Variants in SLFN12 observed in about 807,000 individuals in gnomAD.
SLFN12 encodes ribonuclease SLFN12.
SLFN12 carries 25 observed loss-of-function variants against 29.1 expected under a neutral mutation model. The observed-to-expected ratio is 0.86, with a 90% CI of 0.63 to 1.20. The LOEUF (loss-of-function observed/expected upper bound fraction) is 1.20, where lower values mean the gene tolerates loss of function less well. SLFN12 is among the 50% of genes most tolerant of loss of function. The pLI, the probability that SLFN12 is intolerant of heterozygous loss-of-function variation, is 0.00. For synonymous variants in SLFN12, 257 were observed against 238.7 expected, an observed-to-expected ratio of 1.08 and a Z score of -0.71; for missense variants, 660 against 666.2, an observed-to-expected ratio of 0.99 and a Z score of 0.10.
chr17:35,423,799 G>A (rs1266641924), intron 1 of SLFN12, among the ~76,000 whole-genome samples: 1 of 152,106 alleles, frequency 6.6e-6, no homozygotes, highest in Non-Finnish European at 1.5e-5. Flanking sequence ...GGTTATGAGG[G>A]TGAAGCCCTC....
intron 3 of SLFN12, among the ~76,000 whole-genome samples, chr17:35,413,616 G>T (rs1911157311): frequency 6.6e-6 from 1 of 151,856 alleles, no homozygotes; most frequent in African/African-American, 2.4e-5. Context: ...AGAAATGGTG[G>T]CAGGCACCTG....
chr17:35,414,304 C>T (rs1911199011), intron 3 of SLFN12, among the ~76,000 whole-genome samples: 1 of 151,976 alleles, frequency 6.6e-6, no homozygotes. Context: ...AAATCAGTAG[C>T]ATTTCCATAC....
chr17:35,429,295 C>T (rs1912182051), intron 1 of SLFN12, among the ~76,000 whole-genome samples: 1 of 151,958 alleles, frequency 6.6e-6, no homozygotes, highest in African/African-American at 2.4e-5. Flanking sequence ...GAGGACCCAG[C>T]GCTTGTGAAC....
chr17:35,423,565 T>C (rs1464113174), intron 1 of SLFN12, among the ~76,000 whole-genome samples: 3 of 152,184 alleles, frequency 2.0e-5, no homozygotes, highest in Non-Finnish European at 4.4e-5. Context: ...TAATTATTTT[T>C]CCTTCTTATA....
chr17:35,421,451 G>A (rs1289345680), intron 2 of SLFN12, among the ~76,000 whole-genome samples: 2 of 151,406 alleles, frequency 1.3e-5, no homozygotes, highest in African/African-American at 4.8e-5. Flanking sequence ...CACCAGGTAG[G>A]GCTACTAAAA....
At chr17:35,415,454 G>T (rs895738430) in intron 3 of SLFN12, among the ~76,000 whole-genome samples, 1 of 151,964 alleles carries the variant, frequency 6.6e-6, no homozygotes, top group African/African-American at 2.4e-5. Flanking sequence ...GTTGGCTTAG[G>T]CAAAGAGTTC....
chr17:35,420,244 A>G (rs1338046150), intron 3 of SLFN12, 30 bp downstream of exon 3: 2 of 1,525,084 alleles, frequency 1.3e-6, no homozygotes, highest in Non-Finnish European at 1.8e-6. Context: ...AGTCACACTA[A>G]CAAATCCGAA....
intron 1 of SLFN12, among the ~76,000 whole-genome samples, chr17:35,428,806 T>C (rs1246837043): frequency 1.3e-5 from 2 of 152,144 alleles, no homozygotes; most frequent in African/African-American, 2.4e-5. Context: ...GGAAGATGTA[T>C]ATCTCTGCCA....
chr17:35,419,476 G>A (rs1911502508), intron 3 of SLFN12, among the ~76,000 whole-genome samples: 2 of 152,166 alleles, frequency 1.3e-5, no homozygotes, highest in African/African-American at 2.4e-5. Context: ...AATAGACACT[G>A]CACAGAAGAT....
chr17:35,422,527 A>ACG lies in SLFN12; in HGVS notation c.501_502insCG (p.Cys168ArgfsTer11). The ACG allele has an allele frequency of 6.2e-7, 1 of 1,613,920 alleles. No individual in the cohort carries two copies. Among genetic ancestry groups the ACG allele is most frequent in the Non-Finnish European group, 8.5e-7 (1 of 1,179,990 alleles). ...TTATTTTCTTCTTGTATATCAACAC[A>ACG]GGGCCTCTTTGCCAGCAATTCTGGT... On this transcript the variant is annotated frameshift_variant, in exon 2 of 4. Transcript: ENST00000304905. LOFTEE classifies it high-confidence loss of function.
At chr17:35,419,937 G>A (rs955090215) in intron 3 of SLFN12, among the ~76,000 whole-genome samples, 2 of 152,074 alleles carry the variant, frequency 1.3e-5, no homozygotes, top group African/African-American at 2.4e-5. Context: ...TACTGATGGC[G>A]TTTCTTCAGT....
chr17:35,422,768 C>CA lies in SLFN12; in HGVS notation c.260dup (p.Leu88ValfsTer5). ...AGTCTAAGTACTCAGGAACAAATAA[C>CA]AGAATGTTACTAAAAGAATTTTCCA... On this transcript the variant is annotated frameshift_variant, in exon 2 of 4. Transcript: ENST00000304905. LOFTEE classifies it high-confidence loss of function. 6.2e-7 allele frequency: 1 copy of CA among 1,613,870 alleles called. No individual in the cohort carries two copies. The highest frequency in any genetic ancestry group is 8.5e-7 in the Non-Finnish European group (1 of 1,179,884).
intron 1 of SLFN12, among the ~76,000 whole-genome samples, chr17:35,429,376 TGCCTTCAA>T (rs1431056264): frequency 1.3e-5 from 2 of 152,068 alleles, no homozygotes; most frequent in Non-Finnish European, 2.9e-5. Context: ...TGAAAATCAC[TGCCTTCAA>T]GCATACATCT....
rs1911004641 is a variant in SLFN12, at chr17:35,411,536, C to A, written c.1539G>T (p.Arg513Ser). 1 of 1,613,942 alleles carries A rather than the reference C, an allele frequency of 6.2e-7. No individual in the cohort carries two copies. Among genetic ancestry groups the A allele is most frequent in the Non-Finnish European group, 8.5e-7 (1 of 1,180,014 alleles). The stretch of plus-strand genomic sequence containing the variant: ...AGGATTCAGGGTAAATTACTTGCGA[C>A]CTTAAATCATACTGGCAGCTTGTCA... ...EGMTSCQYDL[R>S]SQVIYPESYY... The change falls in exon 4 of 4, where the codon AGG (arginine) becomes AGT (serine). Residue 513 changes from arginine (R) to serine (S), a missense_variant. Transcript: ENST00000304905.
At chr17:35,423,117 G>A (rs1911805608) in intron 1 of SLFN12, 49 bp from the exon 2 acceptor site, 1 of 1,503,450 alleles carries the variant, frequency 6.7e-7, no homozygotes, top group Non-Finnish European at 8.8e-7. Context: ...TAGAAAGATA[G>A]CAAATTCTGT....
At position 35,422,802 on chromosome 17, in the gene SLFN12, C is replaced by G; in HGVS notation, c.227G>C (p.Gly76Ala). The G allele has an allele frequency of 6.2e-7, 1 of 1,613,708 alleles. No homozygotes were observed. The highest frequency in any genetic ancestry group is 8.5e-7 in the Non-Finnish European group (1 of 1,179,774). ...ACTAAAAGAATTTTCCAAATCTAGT[C>G]CTATTCCATCTTTTGTATAACTATA... is the stretch of plus-strand genomic sequence containing the variant. ...EDYSYTKDGI[G>A]LDLENSFSNI... Residue 76 changes from glycine to alanine, a missense_variant, in exon 2 of 4, where the codon GGA becomes GCA. Transcript: ENST00000304905.
At position 35,415,908 on chromosome 17, in the gene SLFN12, T is replaced by C. The variant is rs1326106046; in HGVS notation, c.1148-3981A>G. On this transcript the variant is annotated intron_variant, in intron 3 of 3. Coordinates refer to ENST00000304905, the MANE Select transcript of SLFN12 (RefSeq NM_018042.5). ...AGGGAATTCTTTTATACTGCTGGTG[T>C]GAATGTAAACTATTACAACCACTGT... 4.6e-5 allele frequency among the ~76,000 whole-genome samples: 7 copies of C among 152,150 alleles called. No homozygotes were observed. In the East Asian group the frequency reaches 1.3e-3, roughly 29 times the overall value.
intron 1 of SLFN12, among the ~76,000 whole-genome samples, chr17:35,424,280 A>C (rs1911875068): frequency 6.6e-6 from 1 of 152,092 alleles, no homozygotes; most frequent in African/African-American, 2.4e-5. Context: ...AGTGTGACTT[A>C]AGTTTAACTT....
chr17:35,418,085 T>G (rs183822806), intron 3 of SLFN12, among the ~76,000 whole-genome samples: 8 of 152,254 alleles, frequency 5.3e-5, no homozygotes, highest in South Asian at 2.1e-4. Flanking sequence ...TCCCAAAAGT[T>G]TTTTTGGCAT....
Sources: gnomAD v4.1 joint callset for allele counts (sites outside exome capture counted in the v4.1 genomes callset) on GRCh38, gnomAD v4.1.1 for gene constraint, MANE v1.5 for transcripts, NCBI Gene and HGNC (gene_info 2026-07-23, HGNC 2026-07-21) for gene names.